TPO: variants seen among roughly 807,000 people sequenced by gnomAD.
TPO encodes thyroid microsomal antigen.
In TPO, 78 loss-of-function variants were observed where a neutral mutation model predicts 96.9. That is an observed-to-expected ratio of 0.81 (90% CI 0.67 to 0.97). TPO has a LOEUF of 0.97. Among genes scored for constraint, TPO ranks in the 50% least tolerant of loss-of-function variants. TPO has a pLI of 0.00. For missense variants in TPO, 1,252 were observed against 1,274.8 expected, an observed-to-expected ratio of 0.98 and a Z score of 0.27; for synonymous variants, 547 against 538.0, an observed-to-expected ratio of 1.02 and a Z score of -0.23.
intron 14 of TPO, 140 bp downstream of exon 14, chr2:1,504,219 G>T: frequency 6.8e-7 from 1 of 1,475,866 alleles, no homozygotes; most frequent in Admixed American, 1.9e-5. Context: ...AGCCCACGGT[G>T]CCCGAGGGGC....
intron 5 of TPO, among the ~76,000 whole-genome samples, chr2:1,449,835 T>C (rs1291486649): frequency 6.6e-6 from 1 of 152,186 alleles, no homozygotes; most frequent in Admixed American, 6.5e-5. Context: ...TTGCATCTTT[T>C]GAAGGGTTTT....
intron 15 of TPO, among the ~76,000 whole-genome samples, chr2:1,532,619 TCC>T (rs142731508): frequency 7.9e-5 from 2 of 25,328 alleles, no homozygotes; most frequent in African/African-American, 1.7e-4. Context: ...TCTCCACAAA[TCC>T]CCCCCCACTC....
At chr2:1,397,982 CACAA>C (rs1662110313) in intron 1 of TPO, among the ~76,000 whole-genome samples, 3 of 152,288 alleles carry the variant, frequency 2.0e-5, no homozygotes, top group South Asian at 2.1e-4. Flanking sequence ...CTTCCCATGC[CACAA>C]ACAAAGGGTA....
At chr2:1,396,534 G>T (rs1662082791) in intron 1 of TPO, among the ~76,000 whole-genome samples, 1 of 152,354 alleles carries the variant, frequency 6.6e-6, no homozygotes, top group African/African-American at 2.4e-5. Flanking sequence ...TTCTAAGGGA[G>T]CCCATTGACT....
At chr2:1,392,687 G>T (rs113990093) in intron 1 of TPO, among the ~76,000 whole-genome samples, 561 of 152,268 alleles carry the variant, frequency 3.7e-3, no homozygotes, top group African/African-American at 0.013. Flanking sequence ...TTATTGGTCT[G>T]TTCGGAGACT....
At chr2:1,534,628 A>G (rs1018661545) in intron 15 of TPO, among the ~76,000 whole-genome samples, 1 of 138,676 alleles carries the variant, frequency 7.2e-6, no homozygotes, top group African/African-American at 2.8e-5. Context: ...TGCAACCTCC[A>G]CAAATCCCGC....
intron 14 of TPO, among the ~76,000 whole-genome samples, chr2:1,516,442 G>A (rs1361098313): frequency 6.6e-6 from 1 of 152,172 alleles, no homozygotes; most frequent in African/African-American, 2.4e-5. Flanking sequence ...TGCAGCCAAG[G>A]GCAAAACCTC....
intron 1 of TPO, among the ~76,000 whole-genome samples, chr2:1,393,655 C>A: frequency 6.6e-6 from 1 of 151,940 alleles, no homozygotes; most frequent in Non-Finnish European, 1.5e-5. Flanking sequence ...AAAAACAAGG[C>A]AAAAACTGCA....
intron 14 of TPO, among the ~76,000 whole-genome samples, chr2:1,511,246 G>A (rs1157362759): frequency 8.1e-5 from 12 of 147,546 alleles, no homozygotes; most frequent in Admixed American, 1.3e-4. Context: ...CAGACTGGGG[G>A]TGCCACAGCG....
At chr2:1,380,266 C>T (rs372166746) in intron 1 of TPO, among the ~76,000 whole-genome samples, 2,178 of 151,556 alleles carry the variant, frequency 0.014, 60 homozygotes, top group South Asian at 0.12. Context: ...TGGTGGCGGG[C>T]GCCTGTAGTC....
intron 1 of TPO, among the ~76,000 whole-genome samples, chr2:1,391,079 G>A (rs544981372): frequency 6.6e-6 from 1 of 152,186 alleles, no homozygotes; most frequent in African/African-American, 2.4e-5. Flanking sequence ...CATTGCTTTT[G>A]GTGTTTTAGT....
At chr2:1,466,383 A>G (rs1319935969) in intron 7 of TPO, among the ~76,000 whole-genome samples, 1 of 152,122 alleles carries the variant, frequency 6.6e-6, no homozygotes, top group African/African-American at 2.4e-5. Context: ...TGGTTTTACT[A>G]TTAGGGTGAT....
At chr2:1,461,738 A>C (rs988080401) in intron 7 of TPO, among the ~76,000 whole-genome samples, 5 of 152,070 alleles carry the variant, frequency 3.3e-5, no homozygotes, top group African/African-American at 1.2e-4. Flanking sequence ...GCACCTATAC[A>C]TGCTCATGAC....
Position 1,487,949 on chromosome 2 carries a change from G to T in TPO, c.1726G>T (p.Ala576Ser), listed in dbSNP as rs1042215615. ...GTCCAATTCCAGCACCTTGGATCTGGCGTCCATCAACCTGCAGAGGGGCCG... is the reference window on the plus strand; with the variant it reads ...GTCCAATTCCAGCACCTTGGATCTGTCGTCCATCAACCTGCAGAGGGGCCG... ...VLSNSSTLDL[A>S]SINLQRGRDH... is the part of the protein sequence containing the mutation. The change falls in exon 10 of 17, where the codon GCG (alanine) becomes TCG (serine). Residue 576 changes from alanine (A) to serine (S), a missense_variant. Coordinates refer to ENST00000329066, the MANE Select transcript of TPO (RefSeq NM_001206744.2). 6.2e-7 allele frequency: 1 copy of T among 1,613,870 alleles called. No individual in the cohort carries two copies. Among genetic ancestry groups the T allele is most frequent in the African/African-American group, 1.3e-5 (1 of 74,930 alleles).
At chr2:1,521,081 C>T (rs1327477973) in intron 15 of TPO, among the ~76,000 whole-genome samples, 1 of 152,182 alleles carries the variant, frequency 6.6e-6, no homozygotes, top group Non-Finnish European at 1.5e-5. Context: ...ATAAACGGTG[C>T]CCTATACCTT....
upstream of TPO, among the ~76,000 whole-genome samples, chr2:1,410,740 C>G (rs940404680): frequency 6.6e-6 from 1 of 152,020 alleles, no homozygotes; most frequent in Non-Finnish European, 1.5e-5. Context: ...GCCCTGCATT[C>G]CCCCATCCTG....
At chr2:1,433,216 A>T (rs1476785346) in intron 3 of TPO, among the ~76,000 whole-genome samples, 1 of 152,136 alleles carries the variant, frequency 6.6e-6, no homozygotes, top group Non-Finnish European at 1.5e-5. Context: ...TTTCCTCATC[A>T]TTCAATACTG....
chr2:1,413,554 G>A lies in TPO; in HGVS notation c.-2+9G>A. 1.7e-6 allele frequency: 1 copy of A among 594,958 alleles called. No individual in the cohort carries two copies. Among genetic ancestry groups the A allele is most frequent in the Non-Finnish European group, 2.1e-6 (1 of 473,186 alleles). The allele number at this position is 594,958 out of a possible 1,614,324, so 36.9% of individuals were successfully genotyped here. Reference sequence around the variant, plus strand: ...TGAGAAGAGGAAAAAAGGTCAGGTTGTAAAGCTTTTTATTTTTCCATTTTC... The same window carrying A: ...TGAGAAGAGGAAAAAAGGTCAGGTTATAAAGCTTTTTATTTTTCCATTTTC... On this transcript the variant is annotated intron_variant, in intron 1 of 16. Coordinates refer to ENST00000329066, the MANE Select transcript of TPO (RefSeq NM_001206744.2).
chr2:1,472,202 C>A (rs561879712), intron 7 of TPO, among the ~76,000 whole-genome samples: 1 of 151,768 alleles, frequency 6.6e-6, no homozygotes, highest in Non-Finnish European at 1.5e-5. Context: ...ATGCTCATGG[C>A]GTGCCCCTCC....
Sources: allele counts gnomAD v4.1 joint callset (sites outside exome capture counted in the v4.1 genomes callset), GRCh38; gene constraint gnomAD v4.1.1; transcripts MANE v1.5; gene names NCBI Gene and HGNC (gene_info 2026-07-23, HGNC 2026-07-21).